The following ATF6 variants were observed in gnomAD, a reference collection of about 807,000 sequenced individuals.
The protein encoded by ATF6 is cyclic AMP-dependent transcription factor ATF-6 alpha.
Under a neutral mutation model 83.6 loss-of-function variants are expected in ATF6, and 53 were observed. The ratio of observed to expected loss-of-function variants is 0.63; its 90% CI spans 0.51 to 0.80. The LOEUF (loss-of-function observed/expected upper bound fraction) is 0.80, where lower values mean the gene tolerates loss of function less well. ATF6 is among the 30% of genes least tolerant of loss of function. The pLI is 0.00. For missense variants in ATF6, 744 were observed against 797.9 expected (o/e 0.93, Z 0.81); for synonymous variants, 288 against 285.8 (o/e 1.01, Z -0.08).
chr1:161,778,207 T>G, intron 1 of ATF6, 37 bp from the exon 2 acceptor site: 1 of 1,549,644 alleles, frequency 6.5e-7, no homozygotes, highest in Non-Finnish European at 8.9e-7. Context: ...AATAATTGAA[T>G]TGACAGTTCA....
intron 9 of ATF6, among the ~76,000 whole-genome samples, chr1:161,832,415 A>G (rs1242390343): frequency 6.6e-6 from 1 of 152,166 alleles, no homozygotes; most frequent in Non-Finnish European, 1.5e-5. Flanking sequence ...GGTGCAGGAC[A>G]GTGGGTGCAG....
At chr1:161,845,175 C>T (rs1401165905) in intron 9 of ATF6, among the ~76,000 whole-genome samples, 2 of 152,106 alleles carry the variant, frequency 1.3e-5, no homozygotes, top group African/African-American at 4.8e-5. Flanking sequence ...GGTGTGTCTG[C>T]TCCCCGTTTT....
At chr1:161,799,685 A>G (rs919776709) in intron 6 of ATF6, among the ~76,000 whole-genome samples, 1 of 152,248 alleles carries the variant, frequency 6.6e-6, no homozygotes, top group Non-Finnish European at 1.5e-5. Flanking sequence ...TATCTACTCC[A>G]AATCCATGAA....
intron 9 of ATF6, among the ~76,000 whole-genome samples, chr1:161,834,264 C>T (rs1281840716): frequency 1.3e-5 from 2 of 152,062 alleles, no homozygotes; most frequent in African/African-American, 4.8e-5. Context: ...AAGCACTAAA[C>T]ATGGAAAGGA....
chr1:161,920,408 C>T (rs1023123435), intron 15 of ATF6, among the ~76,000 whole-genome samples: 1 of 150,386 alleles, frequency 6.6e-6, no homozygotes, highest in Non-Finnish European at 1.5e-5. Context: ...CATTCTCCTG[C>T]CTCAGCCTCC....
intron 14 of ATF6, among the ~76,000 whole-genome samples, chr1:161,909,507 A>G (rs996154852): frequency 6.6e-6 from 1 of 152,084 alleles, no homozygotes; most frequent in Non-Finnish European, 1.5e-5. Context: ...GAAGGAGAGC[A>G]TATATTGGGT....
At chr1:161,780,884 A>G (rs148812237) in intron 2 of ATF6, among the ~76,000 whole-genome samples, 50 of 151,060 alleles carry the variant, frequency 3.3e-4, no homozygotes, top group African/African-American at 1.2e-3. Context: ...TAGTGTTTGT[A>G]TTTTTTTTCT....
chr1:161,816,305 A>G (rs908675194), intron 7 of ATF6, among the ~76,000 whole-genome samples: 1 of 152,206 alleles, frequency 6.6e-6, no homozygotes, highest in African/African-American at 2.4e-5. Context: ...AGATGTGTCA[A>G]TTGGCTAATG....
At chr1:161,812,741 G>T (rs930795599) in intron 7 of ATF6, among the ~76,000 whole-genome samples, 8 of 151,126 alleles carry the variant, frequency 5.3e-5, no homozygotes, top group African/African-American at 1.9e-4. Context: ...TATCAGAGCA[G>T]CTGTGAGGTA....
At chr1:161,858,642 T>C (rs1317159680) in intron 12 of ATF6, among the ~76,000 whole-genome samples, 2 of 152,116 alleles carry the variant, frequency 1.3e-5, no homozygotes, top group Admixed American at 1.3e-4. Flanking sequence ...GTGACAGAAC[T>C]TGAGAAAAAG....
In ATF6 at chr1:161,829,370, A is replaced by T. The variant is rs527568711; in HGVS notation, c.1187+8209A>T. Among the ~76,000 whole-genome samples, 71 of 152,064 alleles carry T rather than the reference A, an allele frequency of 4.7e-4. 3 individuals carry two copies. In the South Asian group the frequency reaches 0.011, roughly 23 times the overall value. On this transcript the variant is annotated intron_variant, in intron 9 of 15. Transcript: ENST00000367942. ...TCAACGAGACAGAAAGTTAACAGGG[A>T]TATCCAGGAATTGAACTCAGCTCTG...
chr1:161,804,928 A>G (rs998883696), intron 7 of ATF6, among the ~76,000 whole-genome samples: 9 of 152,102 alleles, frequency 5.9e-5, no homozygotes, highest in African/African-American at 1.9e-4. Context: ...ACATGAAAAA[A>G]GATAAAGACT....
intron 1 of ATF6, 49 bp downstream of exon 1, chr1:161,766,491 A>C (rs1305802582): frequency 6.3e-7 from 1 of 1,579,450 alleles, no homozygotes; most frequent in Non-Finnish European, 8.7e-7. Context: ...TCGCGTCTAA[A>C]GGTTTCTTCC....
intron 14 of ATF6, among the ~76,000 whole-genome samples, chr1:161,900,173 CAATATTT>C (rs1238973548): frequency 1.3e-5 from 2 of 152,060 alleles, no homozygotes; most frequent in Non-Finnish European, 2.9e-5. Context: ...ACATTTATTT[CAATATTT>C]AATATTAGAA....
intron 7 of ATF6, among the ~76,000 whole-genome samples, chr1:161,808,721 G>A (rs1442029771): frequency 1.3e-5 from 2 of 151,108 alleles, no homozygotes; most frequent in African/African-American, 2.4e-5. Flanking sequence ...TGTGCCACCT[G>A]GCTAAATTTT....
At chr1:161,832,905 T>C (rs1307680131) in intron 9 of ATF6, among the ~76,000 whole-genome samples, 1 of 152,020 alleles carries the variant, frequency 6.6e-6, no homozygotes, top group Non-Finnish European at 1.5e-5. Flanking sequence ...TTGAAGAGAG[T>C]AGTGGTTCTC....
chr1:161,810,743 A>G (rs1423152125), intron 7 of ATF6, among the ~76,000 whole-genome samples: 1 of 152,130 alleles, frequency 6.6e-6, no homozygotes, highest in African/African-American at 2.4e-5. Context: ...AGAAAACCCC[A>G]TAGTCATTAG....
In ATF6 at chr1:161,782,130, A is replaced by G. The variant is rs138658313; in HGVS notation, c.247+131A>G. ...AAAGATTCCTGGTGTTATGCATTCT[A>G]CTTCTGGTATGGCAATTATGTAAAC... On this transcript the variant is annotated intron_variant, in intron 3 of 15. Transcript: ENST00000367942. 5 of 602,672 alleles carry G rather than the reference A, an allele frequency of 8.3e-6. No individual in the cohort carries two copies. The Admixed American group carries it at 1.8e-4, about 21-fold the overall frequency. 37.3% of individuals were successfully genotyped at this position (602,672 alleles called of 1,614,324 possible). A position where few individuals can be genotyped will look rare whatever the true frequency, so the allele number is the denominator to read the frequency against.
chr1:161,800,092 TA>T, intron 6 of ATF6, among the ~76,000 whole-genome samples: 1 of 152,318 alleles, frequency 6.6e-6, no homozygotes. Flanking sequence ...AGGAAACACT[TA>T]GCAGGCAAGT....
Sources: gnomAD v4.1 joint callset for allele counts (sites outside exome capture counted in the v4.1 genomes callset) on GRCh38, gnomAD v4.1.1 for gene constraint, MANE v1.5 for transcripts, NCBI Gene and HGNC (gene_info 2026-07-23, HGNC 2026-07-21) for gene names.